CD99L2: variants seen among roughly 807,000 people sequenced by gnomAD.
CD99L2 encodes the protein CD99 molecule like 2, also known as CD99 antigen-like protein 2.
Under a neutral mutation model 27.3 loss-of-function variants are expected in CD99L2, and 24 were observed. The observed-to-expected ratio is 0.88, with a 90% CI of 0.64 to 1.24. CD99L2 has a LOEUF of 1.24. Ranked by LOEUF, CD99L2 falls within the 50% of genes most tolerant of loss-of-function variation. The probability of loss-of-function intolerance (pLI) is 0.00; values close to 1 mark genes in which losing one functional copy is unlikely to be tolerated. For missense variants in CD99L2, 255 were observed against 221.6 expected, an observed-to-expected ratio of 1.15 and a Z score of -0.96; for synonymous variants, 97 against 87.9, an observed-to-expected ratio of 1.10 and a Z score of -0.58.
chrX:150,770,215 T>C (rs2043418817), intron 10 of CD99L2, 89 bp downstream of exon 10: 1 of 900,456 alleles, frequency 1.1e-6, no homozygotes, highest in African/African-American at 2.0e-5. Flanking sequence ...GACGCCTCTG[T>C]GCTTCCCTGC....
At chrX:150,827,102 C>T (rs1361377091) in intron 2 of CD99L2, among the ~76,000 whole-genome samples, 4 of 110,643 alleles carry the variant, frequency 3.6e-5, no homozygotes, top group East Asian at 2.8e-4. Context: ...AGCAGCAAGC[C>T]GGCACTCAAA....
intron 1 of CD99L2, among the ~76,000 whole-genome samples, chrX:150,862,711 C>G (rs782787818): frequency 9.0e-6 from 1 of 111,233 alleles, no homozygotes; most frequent in South Asian, 3.8e-4. Context: ...CTACTATATG[C>G]CAGCCACCAT....
At chrX:150,848,115 C>CA (rs1406460231) in intron 1 of CD99L2, among the ~76,000 whole-genome samples, 2 of 106,931 alleles carry the variant, frequency 1.9e-5, no homozygotes, top group African/African-American at 6.8e-5. Flanking sequence ...CTGCAGGCCC[C>CA]CCCCCCCTTG....
chrX:150,794,289 C>T (rs1557419823), intron 6 of CD99L2, among the ~76,000 whole-genome samples: 1 of 111,662 alleles, frequency 9.0e-6, no homozygotes, highest in African/African-American at 3.3e-5. Context: ...GTACTGTCAA[C>T]AAGCAATTGA....
At position 150,887,744 on chromosome X, in the gene CD99L2, G is replaced by A. The variant is rs1032720381; in HGVS notation, c.67+10778C>T. On this transcript the variant is annotated intron_variant, in intron 1 of 10. Transcript: ENST00000370377. ...CTCAGAATCAGCTGATCCATCCCCC[G>A]CTCAGAGAGAGAGAACCCGACCGCT... 1.3e-4 allele frequency among the ~76,000 whole-genome samples: 14 copies of A among 111,740 alleles called. No individual in the cohort carries two copies. In the East Asian group the frequency reaches 2.5e-3, roughly 20 times the overall value.
chrX:150,810,716 T>A lies in CD99L2; in HGVS notation c.277+4146A>T, dbSNP rs187736734. On this transcript the variant is annotated intron_variant, in intron 4 of 10. Transcript: ENST00000370377. The stretch of plus-strand genomic sequence containing the variant: ...AAAATTGGCAAACCTTTAGCAAGAC[T>A]GACAAAGAAAAGGAGAGAAGACTCA... Among the ~76,000 whole-genome samples, 6 of 111,817 alleles carry A rather than the reference T, an allele frequency of 5.4e-5. No homozygotes were observed. In the East Asian group the frequency reaches 1.7e-3, roughly 31 times the overall value.
chrX:150,772,465 G>A (rs73624512), intron 9 of CD99L2, among the ~76,000 whole-genome samples: 3,588 of 112,288 alleles, frequency 0.032, 158 homozygotes, highest in African/African-American at 0.11. Context: ...TGGCGCCCTC[G>A]GGAAGTGAAA....
At chrX:150,783,271 T>C (rs190721679) in intron 7 of CD99L2, among the ~76,000 whole-genome samples, 65 of 111,515 alleles carry the variant, frequency 5.8e-4, no homozygotes, top group Admixed American at 2.0e-3. Context: ...CTGCACGTTC[T>C]GCACATGTAT....
chrX:150,865,157 G>C (rs782038146), intron 1 of CD99L2, among the ~76,000 whole-genome samples: 4 of 110,572 alleles, frequency 3.6e-5, no homozygotes, highest in East Asian at 5.7e-4. Flanking sequence ...AATGAGGAGA[G>C]GGGGGGAAAG....
intron 1 of CD99L2, among the ~76,000 whole-genome samples, chrX:150,832,581 T>C (rs2046460389): frequency 8.9e-6 from 1 of 112,289 alleles, no homozygotes; most frequent in South Asian, 3.7e-4. Flanking sequence ...AAGCTTTTCC[T>C]TTAAGATCAG....
intron 4 of CD99L2, among the ~76,000 whole-genome samples, chrX:150,798,570 A>G (rs2045851983): frequency 9.0e-6 from 1 of 111,596 alleles, no homozygotes; most frequent in Non-Finnish European, 1.9e-5. Flanking sequence ...TGGTGGCATG[A>G]AAAAAAGAAA....
intron 1 of CD99L2, among the ~76,000 whole-genome samples, chrX:150,861,263 C>T (rs1428486516): frequency 2.7e-5 from 3 of 110,301 alleles, no homozygotes; most frequent in African/African-American, 6.6e-5. Context: ...AAAAACAATC[C>T]GAAAATTTGT....
chrX:150,769,695 G>GCTGCTGGGAAGCCGGC (rs1229121080), intron 10 of CD99L2, among the ~76,000 whole-genome samples: 16 of 77,496 alleles, frequency 2.1e-4, no homozygotes, highest in South Asian at 1.3e-3. Context: ...CCAGGCCTCG[G>GCTGCTGGGAAGCCGGC]CTGCTCCCCG....
chrX:150,855,520 G>A (rs139388889), intron 1 of CD99L2, among the ~76,000 whole-genome samples: 6 of 110,921 alleles, frequency 5.4e-5, no homozygotes, highest in South Asian at 3.9e-4. Context: ...ATGAGATCTC[G>A]TGATAACTCA....
intron 4 of CD99L2, among the ~76,000 whole-genome samples, chrX:150,802,507 A>G (rs2045923564): frequency 9.3e-6 from 1 of 107,234 alleles, no homozygotes; most frequent in Non-Finnish European, 1.9e-5. Context: ...TGGAGGCTGC[A>G]GTGAGCCAAG....
chrX:150,867,403 C>T (rs187499007), intron 1 of CD99L2, among the ~76,000 whole-genome samples: 11 of 111,493 alleles, frequency 9.9e-5, no homozygotes, highest in Non-Finnish European at 2.1e-4. Flanking sequence ...AGACTGAGAC[C>T]TTGTCTCAAA....
At chrX:150,860,664 C>T (rs1490048513) in intron 1 of CD99L2, among the ~76,000 whole-genome samples, 3 of 111,734 alleles carry the variant, frequency 2.7e-5, no homozygotes, top group Non-Finnish European at 3.8e-5. Flanking sequence ...CATTTCTATA[C>T]ACAAATAATG....
At chrX:150,873,388 C>A (rs1017032417) in intron 1 of CD99L2, among the ~76,000 whole-genome samples, 1 of 111,530 alleles carries the variant, frequency 9.0e-6, no homozygotes, top group African/African-American at 3.3e-5. Context: ...GAAGTAAATT[C>A]GTGGTTGCCC....
intron 1 of CD99L2, among the ~76,000 whole-genome samples, chrX:150,892,498 A>G (rs1025694051): frequency 1.0e-5 from 1 of 99,090 alleles, no homozygotes; most frequent in African/African-American, 3.7e-5. Context: ...CCCAGCTACT[A>G]GGGAGGCTGA....
Sources: allele counts gnomAD v4.1 joint callset (sites outside exome capture counted in the v4.1 genomes callset), GRCh38; gene constraint gnomAD v4.1.1; transcripts MANE v1.5; gene names NCBI Gene and HGNC (gene_info 2026-07-23, HGNC 2026-07-21).